ANHX: variants seen among roughly 807,000 people sequenced by gnomAD.
ANHX encodes anomalous homeobox protein.
A neutral mutation model predicts 38.9 loss-of-function variants in ANHX; 20 were observed. The observed-to-expected ratio is 0.51, with a 90% confidence interval of 0.36 to 0.75. The LOEUF is 0.75. ANHX is among the 30% of genes least tolerant of loss of function. ANHX has a pLI of 0.00. For missense variants in ANHX, 475 were observed against 493.1 expected (o/e 0.96, Z 0.35); for synonymous variants, 185 against 203.1 (o/e 0.91, Z 0.76).
Position 133,227,064 on chromosome 12 carries a change from T to G in ANHX, c.590A>C (p.Gln197Pro). 1 of 1,536,062 alleles carries G rather than the reference T, an allele frequency of 6.5e-7. No individual in the cohort carries two copies. Among genetic ancestry groups the G allele is most frequent in the Non-Finnish European group, 8.7e-7 (1 of 1,146,864 alleles). The stretch of plus-strand genomic sequence containing the variant: ...GGCCTGCTGGGCTGGCTTCATGTGC[T>G]GGGGAAGGGCTCTTTGGCGGCGCCG... ...NYRRRQRALP[Q>P]HMKPAQQATA... Residue 197 changes from glutamine (Q) to proline (P), a missense_variant, in exon 5 of 10, where the codon CAG (glutamine) becomes CCG (proline). Transcript: ENST00000545940.
rs779160688 is a variant in ANHX, at chr12:133,221,544, C to A, written c.1133-192G>T. Among the ~76,000 whole-genome samples the A allele has an allele frequency of 4.6e-5, 7 of 152,210 alleles. No individual in the cohort carries two copies. The highest frequency in any genetic ancestry group is 8.8e-5 in the Non-Finnish European group (6 of 68,036). ...GGAAGGAACTGTCACAACCATTGAT[C>A]TCAACAGCCTTCCAGGCTTCCAGAG... is the stretch of plus-strand genomic sequence containing the variant. On this transcript the variant is annotated intron_variant, in intron 7 of 9. Coordinates refer to ENST00000545940, the MANE Select transcript of ANHX (RefSeq NM_001372060.1). This position sits in a 1 kb window ranked among gnomAD's most constrained non-coding sequence, Gnocchi z 4.1.
intron 3 of ANHX, 147 bp downstream of exon 3, chr12:133,231,370 T>C (rs559957543): frequency 1.7e-6 from 2 of 1,159,562 alleles, no homozygotes; most frequent in Non-Finnish European, 2.4e-6. Flanking sequence ...TTATGCTGAC[T>C]ACACTGTGAC....
intron 3 of ANHX, among the ~76,000 whole-genome samples, chr12:133,230,560 G>A (rs1050542527): frequency 1.3e-5 from 2 of 152,142 alleles, no homozygotes; most frequent in African/African-American, 2.4e-5. Flanking sequence ...TGAAGAATAA[G>A]GCTCCCCGGA....
chr12:133,223,188 T>C (rs1405227257), intron 7 of ANHX, among the ~76,000 whole-genome samples: 2 of 139,320 alleles, frequency 1.4e-5, no homozygotes, highest in African/African-American at 6.6e-5. Flanking sequence ...AAACTCCGCC[T>C]CAAAAAAAAA....
chr12:133,230,024 T>C (rs985066174), intron 3 of ANHX, among the ~76,000 whole-genome samples: 5 of 152,212 alleles, frequency 3.3e-5, no homozygotes, highest in Non-Finnish European at 1.5e-5. Context: ...CAGCCTGCAC[T>C]GACCACCCCA....
rs1957064047 is a variant in ANHX at position 133,218,364 on chromosome 12, C to T, written c.*521G>A. 6.6e-6 allele frequency: 1 copy of T among 152,468 alleles called. No individual in the cohort carries two copies. Among genetic ancestry groups the T allele is most frequent in the South Asian group, 2.1e-4 (1 of 4,838 alleles). 9.4% of individuals were successfully genotyped at this position (152,468 alleles called of 1,614,324 possible). Reference sequence around the variant, plus strand: ...GACTACAACATTTGTGTCATAGACACAGTGAATTACAACCTGGAGGGAAAA... The same window carrying T: ...GACTACAACATTTGTGTCATAGACATAGTGAATTACAACCTGGAGGGAAAA... On this transcript the variant is annotated 3_prime_UTR_variant, in exon 10 of 10. Transcript: ENST00000545940.
chr12:133,232,634 G>C (rs1040494608), intron 2 of ANHX, among the ~76,000 whole-genome samples: 16 of 152,302 alleles, frequency 1.1e-4, no homozygotes, highest in African/African-American at 3.8e-4. Context: ...CCAGGTCTCA[G>C]CCGCAAGTCA....
At chr12:133,231,443 T>C in intron 3 of ANHX, 74 bp downstream of exon 3, 6 of 1,522,844 alleles carry the variant, frequency 3.9e-6, no homozygotes, top group Non-Finnish European at 5.3e-6. Context: ...CTTCAGCCCC[T>C]CTGGGCTTTG....
intron 3 of ANHX, among the ~76,000 whole-genome samples, chr12:133,230,568 G>A (rs1311632141): frequency 2.6e-5 from 4 of 152,114 alleles, no homozygotes; most frequent in African/African-American, 7.2e-5. Context: ...AAGGCTCCCC[G>A]GAGTTTGAGA....
At position 133,219,180 on chromosome 12, in the gene ANHX, G is replaced by T. The variant is rs139991167; in HGVS notation, c.1365+103C>A. The T allele has an allele frequency of 7.9e-3, 8,948 of 1,136,936 alleles. 492 individuals carry two copies. In the African/African-American group the frequency reaches 0.12, roughly 15 times the overall value. 70.4% of individuals were successfully genotyped at this position (1,136,936 alleles called of 1,614,324 possible). A position where few individuals can be genotyped will look rare whatever the true frequency, so the allele number is the denominator to read the frequency against. The stretch of plus-strand genomic sequence containing the variant: ...CTTTGCCCCTTGTTTATCTTTGCCT[G>T]GTGTATTCACTCCAGTGGCACTAGC... On this transcript the variant is annotated intron_variant, in intron 9 of 9. Transcript: ENST00000545940.
Position 133,221,510 on chromosome 12 carries a change from CCTCT to C in ANHX, c.1133-162_1133-159del, listed in dbSNP as rs1209932710. Among the ~76,000 whole-genome samples the C allele has an allele frequency of 1.3e-5, 2 of 152,190 alleles. No individual in the cohort carries two copies. The highest frequency in any genetic ancestry group is 4.8e-5 in the African/African-American group (2 of 41,440). ...CTCACGGTCCCTGGGCCTCAGTCTC[CCTCT>C]CTGAGGAAGGAACTGTCACAACCAT... On this transcript the variant is annotated intron_variant, in intron 7 of 9. Transcript: ENST00000545940. This position sits in a 1 kb window ranked among gnomAD's most constrained non-coding sequence, Gnocchi z 4.1.
intron 3 of ANHX, 136 bp from the exon 4 acceptor site, chr12:133,228,083 A>G: frequency 9.6e-7 from 1 of 1,039,458 alleles, no homozygotes; most frequent in Non-Finnish European, 1.4e-6. Flanking sequence ...CTCTGCCTCC[A>G]GTTAGTGAAA....
intron 5 of ANHX, 28 bp downstream of exon 5, chr12:133,226,908 A>T: frequency 1.4e-6 from 2 of 1,480,856 alleles, no homozygotes; most frequent in African/African-American, 1.4e-5. Flanking sequence ...CCCGACCACA[A>T]GGAGACTGGG....
In ANHX at chr12:133,219,341, G is replaced by A; in HGVS notation, c.1307C>T (p.Ser436Phe). 1 of 1,534,702 alleles carries A rather than the reference G, an allele frequency of 6.5e-7. No individual in the cohort carries two copies. Among genetic ancestry groups the A allele is most frequent in the South Asian group, 1.2e-5 (1 of 83,940 alleles). The change falls in exon 9 of 10, where the codon TCT (serine) becomes TTT (phenylalanine). Residue 436 changes from serine (S) to phenylalanine (F), a missense_variant. Physicochemically the swap from Ser to Phe is radical, Grantham distance 155 (BLOSUM62 -2). Transcript: ENST00000545940. ...QSPPELAPAP[S>F]AFPGPVSAME... ...GGCAGACACAGGGCCGGGGAAGGCA[G>A]ATGGGGCTGGGGCCAGCTCTGGAGG...
rs764971612 is a variant in ANHX at position 133,221,213 on chromosome 12, G to A, written c.1272C>T (p.Leu424=). 90 of 1,536,096 alleles carry A rather than the reference G, an allele frequency of 5.9e-5. No individual in the cohort carries two copies. The highest frequency in any genetic ancestry group is 7.4e-5 in the Non-Finnish European group (85 of 1,146,908). The part of the protein sequence containing the change: ...QPPLQAPEFI[L]TQSPPELAPA... ...GGCTCTTCAGGGCTTACCTCTGGGT[G>A]AGGATGAATTCAGGAGCTTGCAGTG... Residue 424 remains leucine (L), a synonymous_variant, in exon 8 of 10, where the codon CTC becomes CTT. Transcript: ENST00000545940. This position sits in a 1 kb window ranked among gnomAD's most constrained non-coding sequence, Gnocchi z 4.1.
intron 7 of ANHX, among the ~76,000 whole-genome samples, chr12:133,222,583 TAC>T (rs970658696): frequency 6.6e-6 from 1 of 152,084 alleles, no homozygotes; most frequent in African/African-American, 2.4e-5. Context: ...CGTCAGTAAG[TAC>T]AGACAGGCAA....
In ANHX at chr12:133,221,902, A is replaced by G. The variant is rs1401390280; in HGVS notation, c.1133-550T>C. On this transcript the variant is annotated intron_variant, in intron 7 of 9. Transcript: ENST00000545940. The surrounding 1 kb of genome is among the most constrained non-coding windows in gnomAD (Gnocchi z 4.1). ...TGGTTTTGGTCAATTCTGGGTGGAC[A>G]TTTAGGAGAGCTGTGGCCTGAAAAG... is the stretch of plus-strand genomic sequence containing the variant. Among the ~76,000 whole-genome samples the G allele has an allele frequency of 1.3e-5, 2 of 152,164 alleles. No individual in the cohort carries two copies. Among genetic ancestry groups the G allele is most frequent in the Non-Finnish European group, 2.9e-5 (2 of 68,022 alleles).
Position 133,235,611 on chromosome 12 carries a change from C to G in ANHX, c.-23+196G>C, listed in dbSNP as rs1957363413. 3 of 151,288 alleles carry G rather than the reference C, an allele frequency of 2.0e-5. No individual in the cohort carries two copies. In the South Asian group the frequency reaches 6.3e-4, roughly 32 times the overall value. The allele number at this position is 151,288 out of a possible 1,614,324, so 9.4% of individuals were successfully genotyped here. A position where few individuals can be genotyped will look rare whatever the true frequency, so the allele number is the denominator to read the frequency against. Reference sequence around the variant, plus strand: ...CCTCACCCTCCGGGGCCCCCCTTACCCTCAGGGACTCCTGCCCTAGCGCCC... The same window carrying G: ...CCTCACCCTCCGGGGCCCCCCTTACGCTCAGGGACTCCTGCCCTAGCGCCC... On this transcript the variant is annotated intron_variant, in intron 1 of 9. Coordinates refer to ENST00000545940, the MANE Select transcript of ANHX (RefSeq NM_001372060.1).
intron 1 of ANHX, chr12:133,234,679 C>A (rs973202126): frequency 1.4e-4 from 48 of 340,868 alleles, no homozygotes; most frequent in African/African-American, 9.5e-4. Flanking sequence ...GGGTAGGGAC[C>A]TTGTGTGCAG....
Sources: gnomAD v4.1 joint callset for allele counts (sites outside exome capture counted in the v4.1 genomes callset) on GRCh38, gnomAD v4.1.1 for gene constraint, Gnocchi (gnomAD v3.1) non-coding constraint, MANE v1.5 for transcripts, NCBI Gene and HGNC (gene_info 2026-07-23, HGNC 2026-07-21) for gene names.